The following CDH4 variants were observed in gnomAD, a reference collection of about 807,000 sequenced individuals.
CDH4 encodes the protein cadherin 4, also known as cadherin-4.
A neutral mutation model predicts 86.0 loss-of-function variants in CDH4; 33 were observed. The observed-to-expected ratio is 0.38, with a 90% confidence interval of 0.29 to 0.51. The LOEUF is 0.51. Ranked by LOEUF, CDH4 falls within the 20% of genes least tolerant of loss-of-function variation. The pLI, the probability that CDH4 is intolerant of heterozygous loss-of-function variation, is 0.86. For synonymous variants in CDH4, 555 were observed against 549.4 expected (o/e 1.01, Z -0.14); for missense variants, 1,114 against 1,307.4 (o/e 0.85, Z 2.28).
rs146936653 is a variant in CDH4 at position 61,568,108 on chromosome 20, C to T, written c.170-175455C>T. Reference sequence around the variant, plus strand: ...AGAAAAGCAAAGGTCTAGAGGCAGCCGTGGCAGGGTCCCCTTTAAAACAGA... The same window carrying T: ...AGAAAAGCAAAGGTCTAGAGGCAGCTGTGGCAGGGTCCCCTTTAAAACAGA... On this transcript the variant is annotated intron_variant, in intron 2 of 15. Transcript: ENST00000614565. Among the ~76,000 whole-genome samples, 486 of 152,192 alleles carry T rather than the reference C, an allele frequency of 3.2e-3. 3 individuals are homozygous for T. The highest frequency in any genetic ancestry group is 0.011 in the African/African-American group (458 of 41,524).
intron 2 of CDH4, among the ~76,000 whole-genome samples, chr20:61,263,635 A>G (rs980671518): frequency 2.0e-5 from 3 of 152,192 alleles, no homozygotes; most frequent in Non-Finnish European, 4.4e-5. Context: ...TAGATTACAA[A>G]TTGTATTATT....
rs1439639013 is a variant in CDH4, at chr20:61,518,478, A to G, written c.170-225085A>G. ...TCATCCACCCATCGTCCATCCATCC[A>G]TCCTTCCATCATTGATTCATCATCC... On this transcript the variant is annotated intron_variant, in intron 2 of 15. Coordinates refer to ENST00000614565, the MANE Select transcript of CDH4 (RefSeq NM_001794.5). This position sits in a 1 kb window ranked among gnomAD's most constrained non-coding sequence, Gnocchi z 6.3. Among the ~76,000 whole-genome samples, 3 of 151,738 alleles carry G rather than the reference A, an allele frequency of 2.0e-5. No individual in the cohort carries two copies. Among genetic ancestry groups the G allele is most frequent in the African/African-American group, 7.3e-5 (3 of 41,270 alleles).
rs2054739416 is a variant in CDH4 at position 61,902,672 on chromosome 20, A to G, written c.1188+7625A>G. On this transcript the variant is annotated intron_variant, in intron 8 of 15. Transcript: ENST00000614565. The surrounding 1 kb of genome is among the most constrained non-coding windows in gnomAD (Gnocchi z 4.6). ...CGAGTGGGTGTGGCCATGTCCCAAT[A>G]AACTTTATTTACAAAAACAAAAAGA... Among the ~76,000 whole-genome samples the G allele has an allele frequency of 6.6e-6, 1 of 152,242 alleles. No homozygotes were observed. The highest frequency in any genetic ancestry group is 2.4e-5 in the African/African-American group (1 of 41,466).
intron 2 of CDH4, among the ~76,000 whole-genome samples, chr20:61,643,682 G>T (rs1039553511): frequency 5.3e-5 from 8 of 152,246 alleles, no homozygotes; most frequent in Admixed American, 2.6e-4. Context: ...GTTTTCTGTG[G>T]CTGTCATTGG....
Position 61,934,116 on chromosome 20 carries a change from C to A in CDH4, c.2440C>A (p.Pro814Thr). 1 of 1,611,556 alleles carries A rather than the reference C, an allele frequency of 6.2e-7. No homozygotes were observed. Among genetic ancestry groups the A allele is most frequent in the Admixed American group, 1.7e-5 (1 of 59,962 alleles). ...EAMGHVPSKA[P>T]GVRRVDERPV... ...CATGGGGCACGTGCCAAGCAAAGCCCCTGGCGTGCGTCGCGTGGATGAGCG... is the reference window on the plus strand; with the variant it reads ...CATGGGGCACGTGCCAAGCAAAGCCACTGGCGTGCGTCGCGTGGATGAGCG... The change falls in exon 15 of 16, where the codon CCT becomes ACT. Residue 814 changes from proline (P) to threonine (T), a missense_variant. Physicochemically the swap from Pro to Thr is conservative, Grantham distance 38 (BLOSUM62 -1). Coordinates refer to ENST00000614565, the MANE Select transcript of CDH4 (RefSeq NM_001794.5).
At chr20:61,412,508 TTTC>T (rs2085124847) in intron 2 of CDH4, among the ~76,000 whole-genome samples, 1 of 152,182 alleles carries the variant, frequency 6.6e-6, no homozygotes, top group Non-Finnish European at 1.5e-5. Context: ...CCCTCCTGGT[TTTC>T]TTATCCAACT....
chr20:61,730,893 G>A (rs930565822), intron 2 of CDH4, among the ~76,000 whole-genome samples: 1 of 145,956 alleles, frequency 6.9e-6, no homozygotes, highest in African/African-American at 2.5e-5. Flanking sequence ...GCTGAGCTGG[G>A]CGGCGGGGTC....
chr20:61,844,262 G>A (rs567820807), intron 4 of CDH4, among the ~76,000 whole-genome samples: 1 of 152,250 alleles, frequency 6.6e-6, no homozygotes, highest in Non-Finnish European at 1.5e-5. Flanking sequence ...AGAAAGGCTG[G>A]GACACACATG....
chr20:61,465,449 C>T (rs908862800), intron 2 of CDH4, among the ~76,000 whole-genome samples: 3 of 151,958 alleles, frequency 2.0e-5, no homozygotes, highest in Admixed American at 6.6e-5. Context: ...TGTATTTACC[C>T]GTGATAGTCA....
At chr20:61,899,067 T>G (rs1985262188) in intron 8 of CDH4, among the ~76,000 whole-genome samples, 1 of 152,096 alleles carries the variant, frequency 6.6e-6, no homozygotes, top group South Asian at 2.1e-4. Context: ...GAGGCCAAGG[T>G]GGGTGGATCA....
intron 4 of CDH4, among the ~76,000 whole-genome samples, chr20:61,791,032 C>T (rs1342174011): frequency 6.6e-6 from 1 of 152,268 alleles, no homozygotes; most frequent in African/African-American, 2.4e-5. Flanking sequence ...AGCCAGAACT[C>T]TGGCATAACC....
At position 61,623,705 on chromosome 20, in the gene CDH4, G is replaced by A. The variant is rs937746222; in HGVS notation, c.170-119858G>A. On this transcript the variant is annotated intron_variant, in intron 2 of 15. Transcript: ENST00000614565. The surrounding 1 kb of genome is among the most constrained non-coding windows in gnomAD (Gnocchi z 4.4). ...ACCAGCCATCCCCAGGAGAAGGCTG[G>A]TTTTAGTGCATCACTGAGCGCAAAG... Among the ~76,000 whole-genome samples the A allele has an allele frequency of 2.6e-5, 4 of 152,082 alleles. No homozygotes were observed. Among genetic ancestry groups the A allele is most frequent in the African/African-American group, 9.7e-5 (4 of 41,414 alleles).
chr20:61,392,415 G>C lies in CDH4; in HGVS notation c.169+137478G>C, dbSNP rs1490224932. On this transcript the variant is annotated intron_variant, in intron 2 of 15. Transcript: ENST00000614565. This position sits in a 1 kb window ranked among gnomAD's most constrained non-coding sequence, Gnocchi z 5.7. The stretch of plus-strand genomic sequence containing the variant: ...ACCGGGATGGAACGCACGGCGCCCC[G>C]ACGTGATTTTCCAGAGAACTGAGTT... Among the ~76,000 whole-genome samples the C allele has an allele frequency of 1.3e-5, 2 of 152,074 alleles. No homozygotes were observed. Among genetic ancestry groups the C allele is most frequent in the African/African-American group, 4.8e-5 (2 of 41,422 alleles).
intron 2 of CDH4, among the ~76,000 whole-genome samples, chr20:61,443,184 A>G (rs1438264641): frequency 6.6e-6 from 1 of 152,236 alleles, no homozygotes; most frequent in Non-Finnish European, 1.5e-5. Context: ...AAGGCTGGGC[A>G]TATTTAAATA....
intron 2 of CDH4, among the ~76,000 whole-genome samples, chr20:61,278,315 G>T (rs1395032530): frequency 6.6e-6 from 1 of 152,196 alleles, no homozygotes; most frequent in Admixed American, 6.5e-5. Context: ...GAATCAAACT[G>T]CTTGGCTGAT....
chr20:61,493,199 A>G (rs550486453), intron 2 of CDH4, among the ~76,000 whole-genome samples: 1 of 152,328 alleles, frequency 6.6e-6, no homozygotes, highest in South Asian at 2.1e-4. Flanking sequence ...GGCCTGTGTC[A>G]GTGCTGTAGC....
intron 2 of CDH4, among the ~76,000 whole-genome samples, chr20:61,379,612 A>C (rs528726298): frequency 1.6e-4 from 24 of 152,146 alleles, no homozygotes; most frequent in Non-Finnish European, 3.2e-4. Context: ...CAGTATAACC[A>C]TCACACTTTC....
intron 2 of CDH4, among the ~76,000 whole-genome samples, chr20:61,687,065 C>A (rs73915326): frequency 1.3e-5 from 2 of 151,936 alleles, no homozygotes; most frequent in African/African-American, 4.8e-5. Context: ...TTTCCAAGGA[C>A]GGTGGCAGGT....
intron 2 of CDH4, among the ~76,000 whole-genome samples, chr20:61,727,174 G>A (rs527870940): frequency 2.0e-5 from 3 of 149,526 alleles, no homozygotes; most frequent in African/African-American, 7.4e-5. Context: ...CATCAACACT[G>A]GAGCCATCAT....
Sources: allele counts gnomAD v4.1 joint callset (sites outside exome capture counted in the v4.1 genomes callset), GRCh38; gene constraint gnomAD v4.1.1; non-coding constraint Gnocchi (gnomAD v3.1); transcripts MANE v1.5; gene names NCBI Gene and HGNC (gene_info 2026-07-23, HGNC 2026-07-21).